The following RPS6KC1 variants were observed in gnomAD, a reference collection of about 807,000 sequenced individuals.
The protein encoded by RPS6KC1 is inactive ribosomal protein S6 kinase delta-1.
RPS6KC1 carries 54 observed loss-of-function variants against 103.8 expected under a neutral mutation model. The ratio of observed to expected loss-of-function variants is 0.52; its 90% CI spans 0.42 to 0.65. The LOEUF is 0.65. RPS6KC1 is among the 30% of genes least tolerant of loss of function. The pLI is 0.00. For missense variants in RPS6KC1, 1,151 were observed against 1,253.8 expected (o/e 0.92, Z 1.24); for synonymous variants, 439 against 438.7 (o/e 1.00, Z -0.01).
the RPS6KC1 span, among the ~76,000 whole-genome samples, chr1:213,547,627 A>G: frequency 6.6e-6 from 1 of 152,298 alleles, no homozygotes; most frequent in East Asian, 1.9e-4. Flanking sequence ...ATAAGAGTAG[A>G]TTTGTTATGA....
the RPS6KC1 span, among the ~76,000 whole-genome samples, chr1:213,609,972 G>A: frequency 1.3e-5 from 2 of 151,778 alleles, no homozygotes; most frequent in Non-Finnish European, 2.9e-5. Flanking sequence ...CAGCGATATT[G>A]TAAACATATT....
chr1:213,513,383 AGTTT>A, the RPS6KC1 span, among the ~76,000 whole-genome samples: 2 of 152,332 alleles, frequency 1.3e-5, no homozygotes, highest in South Asian at 4.1e-4. Context: ...CATTTGTGCT[AGTTT>A]GTTATATAAG....
the RPS6KC1 span, among the ~76,000 whole-genome samples, chr1:213,318,100 G>A: frequency 6.6e-6 from 1 of 152,216 alleles, no homozygotes; most frequent in Non-Finnish European, 1.5e-5. Flanking sequence ...AAGTGCCTGT[G>A]GGCCAGTAGC....
the RPS6KC1 span, among the ~76,000 whole-genome samples, chr1:213,281,818 A>G: frequency 6.6e-6 from 1 of 151,942 alleles, no homozygotes. Flanking sequence ...TGCCAAAACA[A>G]CTCGCTGGGT....
the RPS6KC1 span, among the ~76,000 whole-genome samples, chr1:213,466,620 A>T: frequency 1.3e-5 from 2 of 152,198 alleles, no homozygotes; most frequent in Non-Finnish European, 2.9e-5. Flanking sequence ...AGAGAAATGA[A>T]TGGATGCTAA....
chr1:213,290,801 A>T, the RPS6KC1 span, among the ~76,000 whole-genome samples: 1 of 152,148 alleles, frequency 6.6e-6, no homozygotes, highest in African/African-American at 2.4e-5. Flanking sequence ...GCATGAACTT[A>T]TTGGTAGGAC....
chr1:213,370,282 A>ATTTTT, the RPS6KC1 span, among the ~76,000 whole-genome samples: 3 of 149,158 alleles, frequency 2.0e-5, no homozygotes, highest in African/African-American at 7.5e-5. Flanking sequence ...ATTTTATTTT[A>ATTTTT]TTTTTTTTGC....
the RPS6KC1 span, chr1:213,839,842 G>C: frequency 1.3e-5 from 2 of 152,080 alleles, no homozygotes; most frequent in African/African-American, 4.8e-5. Flanking sequence ...GGGTTATTGT[G>C]GGGCTTAAAT....
At chr1:213,312,425 T>G in the RPS6KC1 span, among the ~76,000 whole-genome samples, 2 of 152,192 alleles carry the variant, frequency 1.3e-5, no homozygotes, top group East Asian at 1.9e-4. Context: ...TGGCTATTGA[T>G]CTGAGAAATT....
the RPS6KC1 span, among the ~76,000 whole-genome samples, chr1:213,397,947 G>C: frequency 1.3e-5 from 2 of 152,336 alleles, no homozygotes; most frequent in South Asian, 4.1e-4. Flanking sequence ...GGCCTGGGCA[G>C]TGCTAGGCTG....
intron 3 of RPS6KC1, among the ~76,000 whole-genome samples, chr1:213,087,993 C>A (rs2080580426): frequency 6.6e-6 from 1 of 152,138 alleles, no homozygotes; most frequent in Admixed American, 6.5e-5. Context: ...TGCTTTAACC[C>A]CAGAAAGTTG....
chr1:213,688,475 A>T, the RPS6KC1 span, among the ~76,000 whole-genome samples: 1 of 152,204 alleles, frequency 6.6e-6, no homozygotes, highest in Non-Finnish European at 1.5e-5. Context: ...ACATGGCCGG[A>T]TCAATTTGCT....
At chr1:213,741,815 G>A in the RPS6KC1 span, among the ~76,000 whole-genome samples, 1 of 152,236 alleles carries the variant, frequency 6.6e-6, no homozygotes, top group Non-Finnish European at 1.5e-5. Context: ...GGAGGTTTCT[G>A]CATGACCCGA....
At chr1:213,343,389 GTGTATATATATATATATATATA>G in the RPS6KC1 span, among the ~76,000 whole-genome samples, 215 of 65,862 alleles carry the variant, frequency 3.3e-3, 10 homozygotes, top group African/African-American at 0.016. Context: ...TCAGTGTTGT[GTGTATATATATATATATATATA>G]TATATATATA....
At chr1:213,109,230 G>A (rs1044725281) in intron 4 of RPS6KC1, among the ~76,000 whole-genome samples, 1 of 152,058 alleles carries the variant, frequency 6.6e-6, no homozygotes, top group South Asian at 2.1e-4. Context: ...TCCACCTCCC[G>A]GGTTCATGCC....
At chr1:213,360,730 G>A in the RPS6KC1 span, among the ~76,000 whole-genome samples, 1 of 152,156 alleles carries the variant, frequency 6.6e-6, no homozygotes, top group African/African-American at 2.4e-5. Flanking sequence ...GTGCAGATGG[G>A]GTTTTGGTGT....
chr1:213,609,146 G>A, the RPS6KC1 span, among the ~76,000 whole-genome samples: 1 of 152,220 alleles, frequency 6.6e-6, no homozygotes, highest in African/African-American at 2.4e-5. Flanking sequence ...GTCATGATCT[G>A]AGGCGGGAGT....
At chr1:213,859,174 G>A in the RPS6KC1 span, among the ~76,000 whole-genome samples, 1 of 152,228 alleles carries the variant, frequency 6.6e-6, no homozygotes, top group Non-Finnish European at 1.5e-5. Flanking sequence ...TTAGGTTAAA[G>A]TTGTAAGAAA....
chr1:213,608,822 C>T, the RPS6KC1 span, among the ~76,000 whole-genome samples: 2 of 152,144 alleles, frequency 1.3e-5, no homozygotes, highest in South Asian at 4.2e-4. Flanking sequence ...CACTAAATTT[C>T]TTCATTAATG....
Sources: gnomAD v4.1 joint callset for allele counts (sites outside exome capture counted in the v4.1 genomes callset) on GRCh38, gnomAD v4.1.1 for gene constraint, MANE v1.5 for transcripts, NCBI Gene and HGNC (gene_info 2026-07-23, HGNC 2026-07-21) for gene names.